Variants in LRRK1 observed in about 807,000 individuals in gnomAD.
The protein encoded by LRRK1 is leucine-rich repeat serine/threonine-protein kinase 1.
Under a neutral mutation model 209.1 loss-of-function variants are expected in LRRK1, and 113 were observed. The ratio of observed to expected loss-of-function variants is 0.54; its 90% CI spans 0.46 to 0.63. LRRK1 has a LOEUF of 0.63. Among genes scored for constraint, LRRK1 ranks in the 30% least tolerant of loss-of-function variants. LRRK1 has a pLI of 0.00. For missense variants in LRRK1, 2,284 were observed against 2,632.2 expected, an observed-to-expected ratio of 0.87 and a Z score of 2.89; for synonymous variants, 1,144 against 1,099.7, an observed-to-expected ratio of 1.04 and a Z score of -0.80.
Position 101,008,714 on chromosome 15 carries a change from C to G in LRRK1, c.763-123C>G, listed in dbSNP as rs567780531. On this transcript the variant is annotated intron_variant, in intron 6 of 33. Transcript: ENST00000388948. ...GGCCGAGAAGGACATGTGCAGGCCT[C>G]TTGGGACCCGGGCTGGAGCAGGCAC... is the stretch of plus-strand genomic sequence containing the variant. 2.4e-5 allele frequency: 18 copies of G among 762,714 alleles called. No homozygotes were observed. The East Asian group carries it at 4.8e-4, about 20-fold the overall frequency. 47.2% of individuals were successfully genotyped at this position (762,714 alleles called of 1,614,324 possible). A position where few individuals can be genotyped will look rare whatever the true frequency, so the allele number is the denominator to read the frequency against.
Position 100,965,788 on chromosome 15 carries a change from A to G in LRRK1, c.98-8016A>G, listed in dbSNP as rs7359249. ...CATTGGAATGTATTAGCTTTACATT[A>G]AAAGCAAGTAAGATGCCTGAAAATT... On this transcript the variant is annotated intron_variant, in intron 2 of 33. Transcript: ENST00000388948. Among the ~76,000 whole-genome samples, 1,513 of 152,320 alleles carry G rather than the reference A, an allele frequency of 9.9e-3. 29 individuals are homozygous for G. Among genetic ancestry groups the G allele is most frequent in the African/African-American group, 0.034 (1,424 of 41,560 alleles).
intron 2 of LRRK1, among the ~76,000 whole-genome samples, chr15:100,929,318 C>G (rs2042168586): frequency 6.6e-6 from 1 of 152,132 alleles, no homozygotes; most frequent in South Asian, 2.1e-4. Context: ...GTCCTGAAAG[C>G]CCTGCCACAG....
chr15:100,994,977 G>A (rs1048148561), intron 6 of LRRK1, among the ~76,000 whole-genome samples: 8 of 152,172 alleles, frequency 5.3e-5, no homozygotes, highest in Non-Finnish European at 1.2e-4. Context: ...TATTACACAA[G>A]GGTAGGTATT....
rs371799521 is a variant in LRRK1, at chr15:101,060,157, C to T, written c.4680-1014C>T. On this transcript the variant is annotated intron_variant, in intron 29 of 33. Transcript: ENST00000388948. The stretch of plus-strand genomic sequence containing the variant: ...GGCTGGCTGGGAGCACACGGGCAGC[C>T]AAGCAGGGGAGCCAGGATGGAACCG... Among the ~76,000 whole-genome samples the T allele has an allele frequency of 3.1e-4, 47 of 152,196 alleles. 2 individuals are homozygous for T. The East Asian group carries it at 7.9e-3, about 26-fold the overall frequency.
In LRRK1 at chr15:101,027,720, T is replaced by C. The variant is rs1258675580; in HGVS notation, c.2609T>C (p.Leu870Pro). 6.2e-7 allele frequency: 1 copy of C among 1,612,036 alleles called. No individual in the cohort carries two copies. Among genetic ancestry groups the C allele is most frequent in the Admixed American group, 1.7e-5 (1 of 59,730 alleles). ...RRSRDDDVQY[L>P]TDRQLEQLVE... The stretch of plus-strand genomic sequence containing the variant: ...AGCCGGGACGACGACGTGCAGTACC[T>C]GACGGACAGGCAGCTGGAGCAGCTG... The change falls in exon 19 of 34, where the codon CTG becomes CCG. Residue 870 changes from leucine (L) to proline (P), a missense_variant. Transcript: ENST00000388948. This position sits in a 1 kb window ranked among gnomAD's most constrained non-coding sequence, Gnocchi z 5.1.
intron 2 of LRRK1, among the ~76,000 whole-genome samples, chr15:100,955,051 G>A (rs1229340614): frequency 6.6e-6 from 1 of 152,090 alleles, no homozygotes; most frequent in Admixed American, 6.5e-5. Flanking sequence ...AAATGCCATT[G>A]GAATTTTGAC....
In LRRK1 at chr15:100,973,868, G is replaced by A. The variant is rs2031121858; in HGVS notation, c.162G>A (p.Arg54=). 5 of 1,288,290 alleles carry A rather than the reference G, an allele frequency of 3.9e-6. No homozygotes were observed. The highest frequency in any genetic ancestry group is 4.9e-6 in the Non-Finnish European group (5 of 1,013,186). 79.8% of individuals were successfully genotyped at this position (1,288,290 alleles called of 1,614,324 possible). Residue 54 remains arginine, a synonymous_variant, in exon 3 of 34, where the codon AGG becomes AGA. Transcript: ENST00000388948. ...RGGDPAARSR[R]TEGIRAAYRR... ...GTGACCCTGCAGCGCGGTCCCGCAG[G>A]ACGGAAGGCATCCGCGCCGCGTACA...
chr15:101,051,225 G>A (rs1290348875), intron 23 of LRRK1, among the ~76,000 whole-genome samples: 1 of 152,240 alleles, frequency 6.6e-6, no homozygotes, highest in Non-Finnish European at 1.5e-5. Flanking sequence ...AGGCGTGGGG[G>A]AATCCCGTGT....
chr15:100,931,082 C>T (rs1051802608), intron 2 of LRRK1, among the ~76,000 whole-genome samples: 16 of 152,216 alleles, frequency 1.1e-4, no homozygotes, highest in African/African-American at 3.6e-4. Flanking sequence ...AAAAAAGAAA[C>T]GAGAAAACCG....
In LRRK1 at chr15:101,072,303, AAT is replaced by A. The variant is rs2036835735; in HGVS notation, c.*3458_*3459del. The A allele has an allele frequency of 1.3e-5, 2 of 152,238 alleles. No homozygotes were observed. Among genetic ancestry groups the A allele is most frequent in the Non-Finnish European group, 2.9e-5 (2 of 68,060 alleles). 9.4% of individuals were successfully genotyped at this position (152,238 alleles called of 1,614,324 possible). On this transcript the variant is annotated 3_prime_UTR_variant, in exon 34 of 34. Coordinates refer to ENST00000388948, the MANE Select transcript of LRRK1 (RefSeq NM_024652.6). ...GGATGTTCACTATAGCATCTCTTAGAATATGGCCCCAAACAGGAAGCAACCCC... is the reference window on the plus strand; with the variant it reads ...GGATGTTCACTATAGCATCTCTTAGAATGGCCCCAAACAGGAAGCAACCCC...
chr15:101,054,900 C>G (rs2035705163), intron 26 of LRRK1, 46 bp from the exon 27 acceptor site: 1 of 1,491,470 alleles, frequency 6.7e-7, no homozygotes, highest in Non-Finnish European at 9.1e-7. Flanking sequence ...TTGATTCTAT[C>G]AAAACTGAAA....
chr15:100,950,765 A>G (rs918064767), intron 2 of LRRK1, among the ~76,000 whole-genome samples: 8 of 152,240 alleles, frequency 5.3e-5, no homozygotes, highest in Non-Finnish European at 7.3e-5. Context: ...GTATCTGATT[A>G]TATAAAGAAC....
intron 6 of LRRK1, among the ~76,000 whole-genome samples, chr15:101,001,545 G>A (rs2032691151): frequency 1.3e-5 from 2 of 152,178 alleles, no homozygotes; most frequent in Admixed American, 1.3e-4. Flanking sequence ...GTATCAGAAT[G>A]TGGCTCTTGT....
At chr15:101,005,213 T>G (rs999196712) in intron 6 of LRRK1, among the ~76,000 whole-genome samples, 3 of 152,188 alleles carry the variant, frequency 2.0e-5, no homozygotes, top group Admixed American at 1.3e-4. Context: ...CTTTTTTGAC[T>G]TGGCATTGCA....
chr15:100,932,809 T>G (rs2042234700), intron 2 of LRRK1, among the ~76,000 whole-genome samples: 1 of 152,222 alleles, frequency 6.6e-6, no homozygotes, highest in South Asian at 2.1e-4. Context: ...CCATAATAAA[T>G]GAATATTTCC....
At chr15:100,960,446 T>G (rs1312530269) in intron 2 of LRRK1, among the ~76,000 whole-genome samples, 2 of 152,226 alleles carry the variant, frequency 1.3e-5, no homozygotes, top group Admixed American at 6.5e-5. Context: ...TGTGTGTGTT[T>G]ATCTTCGAAT....
At chr15:100,987,478 G>A (rs960308392) in intron 4 of LRRK1, among the ~76,000 whole-genome samples, 4 of 152,118 alleles carry the variant, frequency 2.6e-5, no homozygotes, top group African/African-American at 9.7e-5. Flanking sequence ...ATTTCATCCT[G>A]GAATTAAGTA....
At chr15:100,941,432 G>GTC in intron 2 of LRRK1, among the ~76,000 whole-genome samples, 1 of 80,358 alleles carries the variant, frequency 1.2e-5, no homozygotes, top group East Asian at 3.4e-4. Context: ...GTGTGTCTGT[G>GTC]TGTGTGTGTG....
chr15:100,938,695 A>C (rs1336075547), intron 2 of LRRK1, among the ~76,000 whole-genome samples: 1 of 152,176 alleles, frequency 6.6e-6, no homozygotes, highest in South Asian at 2.1e-4. Context: ...AATACATTTA[A>C]CATACGTTTA....
Sources: allele counts gnomAD v4.1 joint callset (sites outside exome capture counted in the v4.1 genomes callset), GRCh38; gene constraint gnomAD v4.1.1; non-coding constraint Gnocchi (gnomAD v3.1); transcripts MANE v1.5; gene names NCBI Gene and HGNC (gene_info 2026-07-23, HGNC 2026-07-21).